GLRX5: variants seen among roughly 807,000 people sequenced by gnomAD.
The protein encoded by GLRX5 is glutaredoxin 5, also known as glutaredoxin-related protein 5, mitochondrial.
A neutral mutation model predicts 13.8 loss-of-function variants in GLRX5; 10 were observed. That is an observed-to-expected ratio of 0.72 (90% confidence interval 0.45 to 1.23). GLRX5 has a LOEUF of 1.23. Ranked by LOEUF, GLRX5 falls within the 50% of genes most tolerant of loss-of-function variation. The probability of loss-of-function intolerance (pLI) is 0.00; values close to 1 mark genes in which losing one functional copy is unlikely to be tolerated. For missense variants in GLRX5, 233 were observed against 215.2 expected, an observed-to-expected ratio of 1.08 and a Z score of -0.52; for synonymous variants, 98 against 101.1, an observed-to-expected ratio of 0.97 and a Z score of 0.18.
chr14:95,540,898 A>G (rs540645151), intron 1 of GLRX5, among the ~76,000 whole-genome samples: 6 of 152,356 alleles, frequency 3.9e-5, no homozygotes, highest in Non-Finnish European at 8.8e-5. Flanking sequence ...ATTTTAAAGT[A>G]TCATTTCTGT....
chr14:95,538,683 T>C (rs1305877300), intron 1 of GLRX5, among the ~76,000 whole-genome samples: 17 of 152,306 alleles, frequency 1.1e-4, no homozygotes, highest in African/African-American at 3.9e-4. Flanking sequence ...GAGAGGGGGA[T>C]CTGCAAACTT....
intron 1 of GLRX5, among the ~76,000 whole-genome samples, chr14:95,535,591 G>T (rs1891358724): frequency 6.6e-6 from 1 of 152,208 alleles, no homozygotes; most frequent in South Asian, 2.1e-4. Flanking sequence ...GGGTCTTGAG[G>T]ATCTGGGGCT....
rs746009921 is a variant in GLRX5, at chr14:95,535,072, T to C, written c.-18T>C. On this transcript the variant is annotated 5_prime_UTR_variant, in exon 1 of 2. Transcript: ENST00000331334. The stretch of plus-strand genomic sequence containing the variant: ...GCTGTGGGCCCGGGCCGTCGTGGGC[T>C]CCGGCTTGCGTGCGGAGATGAGCGG... 1.5e-6 allele frequency: 2 copies of C among 1,336,766 alleles called. No homozygotes were observed. Among genetic ancestry groups the C allele is most frequent in the African/African-American group, 1.5e-5 (1 of 64,750 alleles). The allele number at this position is 1,336,766 out of a possible 1,614,324, so 82.8% of individuals were successfully genotyped here. A position where few individuals can be genotyped will look rare whatever the true frequency, so the allele number is the denominator to read the frequency against.
At position 95,535,253 on chromosome 14, in the gene GLRX5, T is replaced by C. The variant is rs1823967258; in HGVS notation, c.164T>C (p.Val55Ala). The change falls in exon 1 of 2, where the codon GTG (valine) becomes GCG (alanine). Residue 55 changes from valine to alanine, a missense_variant. Transcript: ENST00000331334. ...GCGCTGGTGAAGAAGGACAAGGTGGTGGTCTTCCTCAAGGGGACGCCGGAG... is the reference window on the plus strand; with the variant it reads ...GCGCTGGTGAAGAAGGACAAGGTGGCGGTCTTCCTCAAGGGGACGCCGGAG... Reference protein sequence around the residue: ...LDALVKKDKVVVFLKGTPEQP... With the variant: ...LDALVKKDKVAVFLKGTPEQP... 2 of 1,570,476 alleles carry C rather than the reference T, an allele frequency of 1.3e-6. No homozygotes were observed. Among genetic ancestry groups the C allele is most frequent in the African/African-American group, 1.3e-5 (1 of 74,416 alleles).
intron 1 of GLRX5, among the ~76,000 whole-genome samples, chr14:95,536,692 C>T (rs1440249553): frequency 3.3e-5 from 5 of 152,214 alleles, no homozygotes; most frequent in African/African-American, 4.8e-5. Flanking sequence ...TTACCTGGCA[C>T]AGAAAGCACC....
At chr14:95,540,908 T>C (rs911135038) in intron 1 of GLRX5, among the ~76,000 whole-genome samples, 2 of 152,264 alleles carry the variant, frequency 1.3e-5, no homozygotes, top group Admixed American at 6.5e-5. Flanking sequence ...ATCATTTCTG[T>C]ACTCTTTCTG....
chr14:95,539,056 C>T (rs761410060), intron 1 of GLRX5, among the ~76,000 whole-genome samples: 4 of 152,130 alleles, frequency 2.6e-5, no homozygotes, highest in African/African-American at 9.7e-5. Context: ...ACATCAGTGA[C>T]GACATTAGGT....
At chr14:95,538,508 T>A (rs756773909) in intron 1 of GLRX5, among the ~76,000 whole-genome samples, 1 of 152,200 alleles carries the variant, frequency 6.6e-6, no homozygotes, top group Non-Finnish European at 1.5e-5. Flanking sequence ...ACCTTAAAAG[T>A]TGGATAACAA....
At chr14:95,539,978 C>T (rs1289453952) in intron 1 of GLRX5, among the ~76,000 whole-genome samples, 1 of 151,922 alleles carries the variant, frequency 6.6e-6, no homozygotes, top group Non-Finnish European at 1.5e-5. Context: ...CCACCCCTGC[C>T]TCCCGGGTTC....
At chr14:95,543,168 G>A (rs1346950123) in intron 1 of GLRX5, 5 of 455,774 alleles carry the variant, frequency 1.1e-5, no homozygotes, top group South Asian at 4.6e-5. Context: ...CCCTGGACAG[G>A]GACCTTGCTG....
rs1407114166 is a variant in GLRX5, at chr14:95,544,671, G to A, written c.*546G>A. 1 of 157,254 alleles carries A rather than the reference G, an allele frequency of 6.4e-6. No homozygotes were observed. The highest frequency in any genetic ancestry group is 1.4e-5 in the Non-Finnish European group (1 of 71,010). 9.7% of individuals were successfully genotyped at this position (157,254 alleles called of 1,614,324 possible). A position where few individuals can be genotyped will look rare whatever the true frequency, so the allele number is the denominator to read the frequency against. On this transcript the variant is annotated 3_prime_UTR_variant, in exon 2 of 2. Coordinates refer to ENST00000331334, the MANE Select transcript of GLRX5 (RefSeq NM_016417.3). Reference sequence around the variant, plus strand: ...GCCTGCAGTGTTTTATGTGTGGGAAGTAAGGGTGAGTCTCATATTCTTCTA... The same window carrying A: ...GCCTGCAGTGTTTTATGTGTGGGAAATAAGGGTGAGTCTCATATTCTTCTA...
chr14:95,541,211 T>G (rs187867663), intron 1 of GLRX5, among the ~76,000 whole-genome samples: 13 of 152,376 alleles, frequency 8.5e-5, no homozygotes, highest in Non-Finnish European at 1.8e-4. Flanking sequence ...CCACTGCATA[T>G]TGCAGTTTTT....
chr14:95,539,156 A>T (rs1891431307), intron 1 of GLRX5, among the ~76,000 whole-genome samples: 1 of 152,204 alleles, frequency 6.6e-6, no homozygotes. Flanking sequence ...ATGCCTGATG[A>T]TGTGAGGTGG....
chr14:95,539,662 C>A (rs868435257), intron 1 of GLRX5, among the ~76,000 whole-genome samples: 2 of 152,050 alleles, frequency 1.3e-5, no homozygotes, highest in South Asian at 2.1e-4. Context: ...AGAGTCTGGG[C>A]TTTTGTACTC....
chr14:95,540,502 A>C (rs1399854786), intron 1 of GLRX5, among the ~76,000 whole-genome samples: 1 of 152,224 alleles, frequency 6.6e-6, no homozygotes, highest in East Asian at 1.9e-4. Context: ...AGCAAACCAG[A>C]TCTACTGATC....
At chr14:95,538,097 GTTTTT>G (rs10531529) in intron 1 of GLRX5, among the ~76,000 whole-genome samples, 2 of 151,210 alleles carry the variant, frequency 1.3e-5, no homozygotes, top group Non-Finnish European at 2.9e-5. Flanking sequence ...GTTCCTAACA[GTTTTT>G]TTTTTTTTAA....
chr14:95,538,583 C>T (rs980617074), intron 1 of GLRX5, among the ~76,000 whole-genome samples: 2 of 152,194 alleles, frequency 1.3e-5, no homozygotes, highest in African/African-American at 2.4e-5. Flanking sequence ...ATGGTACCAA[C>T]ACTTTGGAGG....
At chr14:95,540,757 C>T (rs1168847265) in intron 1 of GLRX5, among the ~76,000 whole-genome samples, 2 of 152,060 alleles carry the variant, frequency 1.3e-5, no homozygotes, top group Non-Finnish European at 2.9e-5. Flanking sequence ...TGAGGTTCTA[C>T]CAGGAAAAAT....
chr14:95,543,318 G>T, intron 1 of GLRX5: 1 of 340,800 alleles, frequency 2.9e-6, no homozygotes, highest in Non-Finnish European at 5.8e-6. Flanking sequence ...ATTTTTCCCT[G>T]GGTAAAAGTA....
Sources: gnomAD v4.1 joint callset for allele counts (sites outside exome capture counted in the v4.1 genomes callset) on GRCh38, gnomAD v4.1.1 for gene constraint, MANE v1.5 for transcripts, NCBI Gene and HGNC (gene_info 2026-07-23, HGNC 2026-07-21) for gene names.